The following SLCO2A1 variants were observed in gnomAD, a reference collection of about 807,000 sequenced individuals.
SLCO2A1 encodes matrin F/G 1.
SLCO2A1 carries 60 observed loss-of-function variants against 71.7 expected under a neutral mutation model. The observed-to-expected ratio is 0.84, with a 90% CI of 0.68 to 1.04. The LOEUF (loss-of-function observed/expected upper bound fraction) is 1.04. Ranked by LOEUF, SLCO2A1 falls within the 50% of genes least tolerant of loss-of-function variation. The pLI, the probability that SLCO2A1 is intolerant of heterozygous loss-of-function variation, is 0.00. For missense variants in SLCO2A1, 745 were observed against 813.4 expected, an observed-to-expected ratio of 0.92 and a Z score of 1.02; for synonymous variants, 308 against 326.7, an observed-to-expected ratio of 0.94 and a Z score of 0.62.
intron 1 of SLCO2A1, chr3:133,998,756 C>T (rs1357860640): frequency 2.6e-5 from 4 of 152,240 alleles, no homozygotes; most frequent in Admixed American, 6.5e-5. Flanking sequence ...ATTTCTCCAC[C>T]GACCAGTGAA....
At position 134,002,716 on chromosome 3, in the gene SLCO2A1, T is replaced by C. The variant is rs142769147; in HGVS notation, c.97-23098A>G. On this transcript the variant is annotated intron_variant, in intron 1 of 13. Transcript: ENST00000310926. ...GATGGGGCCCAAGAATTTGCATTTA[T>C]AATAAACTCTCATGTGATGATAACA... Among the ~76,000 whole-genome samples the C allele has an allele frequency of 4.8e-3, 725 of 152,318 alleles. 5 individuals carry two copies. Among genetic ancestry groups the C allele is most frequent in the African/African-American group, 0.016 (684 of 41,560 alleles).
intron 1 of SLCO2A1, among the ~76,000 whole-genome samples, chr3:134,028,562 T>A (rs1426244248): frequency 6.6e-6 from 1 of 152,202 alleles, no homozygotes; most frequent in African/African-American, 2.4e-5. Flanking sequence ...TGAGATCCAC[T>A]CTGACCTCCA....
At chr3:133,967,769 C>G (rs377581918) in intron 3 of SLCO2A1, among the ~76,000 whole-genome samples, 27 of 151,648 alleles carry the variant, frequency 1.8e-4, no homozygotes, top group African/African-American at 5.8e-4. Flanking sequence ...CATCCCCACC[C>G]TCCAATCACC....
At chr3:133,970,169 G>A (rs139367639) in intron 3 of SLCO2A1, among the ~76,000 whole-genome samples, 105 of 152,298 alleles carry the variant, frequency 6.9e-4, no homozygotes, top group African/African-American at 2.5e-3. Context: ...CTACCACCGT[G>A]GGGACAAAAG....
intron 1 of SLCO2A1, among the ~76,000 whole-genome samples, chr3:133,992,985 T>C (rs974303232): frequency 3.9e-5 from 6 of 152,226 alleles, no homozygotes; most frequent in African/African-American, 1.4e-4. Context: ...TGCACTGAGC[T>C]GTTAACACTT....
chr3:134,006,114 T>A (rs2108072321), intron 1 of SLCO2A1, among the ~76,000 whole-genome samples: 1 of 152,306 alleles, frequency 6.6e-6, no homozygotes, highest in African/African-American at 2.4e-5. Context: ...TGGAGTGCAG[T>A]GGTGCAATCA....
At chr3:133,991,926 G>T (rs2108064953) in intron 1 of SLCO2A1, among the ~76,000 whole-genome samples, 1 of 152,350 alleles carries the variant, frequency 6.6e-6, no homozygotes, top group South Asian at 2.1e-4. Flanking sequence ...CTTCTGGGAG[G>T]ACTGGCACAT....
At chr3:133,992,475 G>A (rs1014391176) in intron 1 of SLCO2A1, among the ~76,000 whole-genome samples, 1 of 152,340 alleles carries the variant, frequency 6.6e-6, no homozygotes, top group Non-Finnish European at 1.5e-5. Context: ...TTCCAGGCAG[G>A]CAGAAGAGGG....
chr3:133,964,988 G>C (rs1934130372), intron 3 of SLCO2A1, among the ~76,000 whole-genome samples: 1 of 152,212 alleles, frequency 6.6e-6, no homozygotes. Context: ...TGAGGGAGCA[G>C]GATGCAGCTC....
rs112457858 is a variant in SLCO2A1 at position 133,959,397 on chromosome 3, C to CA, written c.398-4205dup. Among the ~76,000 whole-genome samples the CA allele has an allele frequency of 6.7e-3, 828 of 123,768 alleles. 5 individuals are homozygous for CA. Among genetic ancestry groups the CA allele is most frequent in the African/African-American group, 6.4e-3 (224 of 35,250 alleles). The allele number at this position is 123,768 out of a possible 152,430, so 81.2% of individuals were successfully genotyped here. ...TCATACCCATCAGGATGGCTATTAC[C>CA]AAAAAAAAAAAAAACAGAAAACGAG... On this transcript the variant is annotated intron_variant, in intron 3 of 13. Coordinates refer to ENST00000310926, the MANE Select transcript of SLCO2A1 (RefSeq NM_005630.3).
At chr3:134,029,161 G>GC (rs971238328) in intron 1 of SLCO2A1, among the ~76,000 whole-genome samples, 19 of 152,188 alleles carry the variant, frequency 1.2e-4, no homozygotes, top group African/African-American at 4.6e-4. Context: ...AGGTAGCAGA[G>GC]CCCCCCGCCC....
At chr3:133,992,498 G>A (rs376558076) in intron 1 of SLCO2A1, among the ~76,000 whole-genome samples, 270 of 152,328 alleles carry the variant, frequency 1.8e-3, no homozygotes, top group African/African-American at 5.7e-3. Context: ...GGTCCCTGGC[G>A]AGGGCCCCAC....
intron 6 of SLCO2A1, chr3:133,950,929 A>G (rs562886049): frequency 3.3e-5 from 14 of 427,582 alleles, no homozygotes; most frequent in East Asian, 9.9e-5. Flanking sequence ...CTTTAGCTCA[A>G]TTTAGATAAG....
At chr3:133,953,539 G>C (rs1049494549) in intron 5 of SLCO2A1, 124 bp downstream of exon 5, 1 of 711,318 alleles carries the variant, frequency 1.4e-6, no homozygotes, top group Non-Finnish European at 2.5e-6. Context: ...ATGAGTGAGC[G>C]AGTGAGGAGG....
chr3:134,026,467 T>C (rs1215236953), intron 1 of SLCO2A1, among the ~76,000 whole-genome samples: 4 of 152,022 alleles, frequency 2.6e-5, no homozygotes, highest in African/African-American at 7.3e-5. Context: ...GGCGAACTCC[T>C]GGGCTTCCCT....
intron 3 of SLCO2A1, 103 bp from the exon 4 acceptor site, chr3:133,955,296 A>G (rs1933859928): frequency 1.0e-6 from 1 of 977,694 alleles, no homozygotes; most frequent in Non-Finnish European, 1.5e-6. Context: ...GGAAGGACCA[A>G]CTTTGGCCAG....
chr3:133,956,240 G>A (rs9863291), intron 3 of SLCO2A1, among the ~76,000 whole-genome samples: 54,341 of 151,966 alleles, frequency 0.36, 9,898 homozygotes, highest in Admixed American at 0.36. Context: ...GAGGAAAACC[G>A]AGCGCCGTAG....
At chr3:133,987,131 G>GCCCCCCCCCCCCCCCCC (rs71136502) in intron 1 of SLCO2A1, among the ~76,000 whole-genome samples, 3 of 105,032 alleles carry the variant, frequency 2.9e-5, no homozygotes, top group Admixed American at 1.9e-4. Context: ...AAAATTCAAA[G>GCCCCCCCCCCCCCCCCC]CCCCCCCCCC....
At chr3:133,952,993 A>C (rs1478298674) in intron 5 of SLCO2A1, among the ~76,000 whole-genome samples, 1 of 152,120 alleles carries the variant, frequency 6.6e-6, no homozygotes, top group African/African-American at 2.4e-5. Context: ...AGCTCTTATT[A>C]AATCTTAAAG....
Sources: allele counts gnomAD v4.1 joint callset (sites outside exome capture counted in the v4.1 genomes callset), GRCh38; gene constraint gnomAD v4.1.1; transcripts MANE v1.5; gene names NCBI Gene and HGNC (gene_info 2026-07-23, HGNC 2026-07-21).